Variants in STAC observed in about 807,000 individuals in gnomAD.
STAC encodes SH3 and cysteine-rich domain-containing protein.
A neutral mutation model predicts 48.8 loss-of-function variants in STAC; 43 were observed. That is an observed-to-expected ratio of 0.88 (90% confidence interval 0.69 to 1.14). STAC has a LOEUF of 1.14. Among genes scored for constraint, STAC ranks in the 50% most tolerant of loss-of-function variants. The pLI, the probability that STAC is intolerant of heterozygous loss-of-function variation, is 0.00. For missense variants in STAC, 497 were observed against 504.0 expected, an observed-to-expected ratio of 0.99 and a Z score of 0.13; for synonymous variants, 193 against 179.5, an observed-to-expected ratio of 1.07 and a Z score of -0.60.
intron 10 of STAC, among the ~76,000 whole-genome samples, chr3:36,543,466 T>C (rs955702776): frequency 6.6e-6 from 1 of 152,174 alleles, no homozygotes; most frequent in African/African-American, 2.4e-5. Context: ...ACAGGAAGGT[T>C]GAAAATAAGC....
At chr3:36,471,538 CT>C (rs1170507792) in intron 2 of STAC, among the ~76,000 whole-genome samples, 2 of 152,192 alleles carry the variant, frequency 1.3e-5, no homozygotes, top group African/African-American at 4.8e-5. Flanking sequence ...TCCCTTCCGC[CT>C]ATGAGCCTGT....
chr3:36,417,554 TATTTGACCAC>T (rs201444914), intron 1 of STAC, among the ~76,000 whole-genome samples: 3,533 of 152,342 alleles, frequency 0.023, 60 homozygotes, highest in East Asian at 0.026. Context: ...GAATAAACCC[TATTTGACCAC>T]AGAATATAAT....
At chr3:36,505,641 A>G (rs11711733) in intron 7 of STAC, 105 bp from the exon 8 acceptor site, 101,976 of 735,552 alleles carry the variant, frequency 0.14, 7,925 homozygotes, top group African/African-American at 0.2. Flanking sequence ...CGATCCATAC[A>G]CTGAAATTAC....
intron 5 of STAC, among the ~76,000 whole-genome samples, chr3:36,487,734 A>G (rs1334656778): frequency 1.3e-5 from 2 of 152,236 alleles, no homozygotes; most frequent in East Asian, 3.8e-4. Flanking sequence ...GGATATTATA[A>G]TGACTGTGTC....
intron 1 of STAC, among the ~76,000 whole-genome samples, chr3:36,385,996 A>T (rs879420571): frequency 1.3e-5 from 2 of 152,042 alleles, no homozygotes; most frequent in African/African-American, 2.4e-5. Flanking sequence ...AAGCTCTTCT[A>T]TTGGGTATAT....
At chr3:36,494,594 T>C (rs1224807456) in intron 6 of STAC, among the ~76,000 whole-genome samples, 2 of 152,218 alleles carry the variant, frequency 1.3e-5, no homozygotes, top group African/African-American at 4.8e-5. Context: ...CACCATGTGC[T>C]CAGCTGCCCC....
intron 8 of STAC, among the ~76,000 whole-genome samples, chr3:36,507,213 G>A (rs989002032): frequency 2.6e-5 from 4 of 152,158 alleles, no homozygotes; most frequent in Non-Finnish European, 5.9e-5. Flanking sequence ...TTTATGTGAT[G>A]GATTATGTTT....
At chr3:36,466,793 T>A (rs796859768) in intron 2 of STAC, among the ~76,000 whole-genome samples, 2 of 152,118 alleles carry the variant, frequency 1.3e-5, no homozygotes, top group South Asian at 2.1e-4. Flanking sequence ...CATCAGCAAA[T>A]AGCGACAGTT....
intron 1 of STAC, among the ~76,000 whole-genome samples, chr3:36,418,717 C>G (rs766617566): frequency 9.9e-5 from 15 of 151,842 alleles, no homozygotes; most frequent in South Asian, 2.1e-4. Context: ...TATTTTACTA[C>G]TGATTCATTT....
Position 36,528,850 on chromosome 3 carries a change from G to A in STAC, c.975G>A (p.Gly325=). 1 of 1,611,456 alleles carries A rather than the reference G, an allele frequency of 6.2e-7. No individual in the cohort carries two copies. Residue 325 remains glycine (G), a splice_region_variant and synonymous_variant, in exon 10 of 11, where the codon GGG becomes GGA. Transcript: ENST00000273183. Reference sequence around the variant, plus strand: ...GCATGCCTCCTTTTTCCTTTCAGGGGAAAATTCAAGACAGAATTGGCTTCT... The same window carrying A: ...GCATGCCTCCTTTTTCCTTTCAGGGAAAAATTCAAGACAGAATTGGCTTCT... ...LEDSNEDWWK[G]KIQDRIGFFP...
chr3:36,506,484 T>C (rs1287905038), intron 8 of STAC, among the ~76,000 whole-genome samples: 2 of 152,294 alleles, frequency 1.3e-5, no homozygotes, highest in South Asian at 2.1e-4. Context: ...GGTAGCTTGA[T>C]GGGGATAGCA....
chr3:36,486,040 C>T, intron 4 of STAC, 94 bp from the exon 5 acceptor site: 1 of 910,622 alleles, frequency 1.1e-6, no homozygotes, highest in South Asian at 1.5e-5. Flanking sequence ...ACAGAGCCTG[C>T]TTCTCAGGCG....
intron 1 of STAC, among the ~76,000 whole-genome samples, chr3:36,393,551 C>T (rs1203366117): frequency 6.6e-6 from 1 of 151,830 alleles, no homozygotes; most frequent in African/African-American, 2.4e-5. Context: ...TATGTTGAAA[C>T]TCTAATCTCC....
At chr3:36,502,309 G>A (rs988142588) in intron 6 of STAC, among the ~76,000 whole-genome samples, 1 of 152,154 alleles carries the variant, frequency 6.6e-6, no homozygotes, top group East Asian at 1.9e-4. Context: ...AAAGGTGTAT[G>A]ATATGTTTTC....
chr3:36,396,627 T>A (rs55700993), intron 1 of STAC, among the ~76,000 whole-genome samples: 3,548 of 152,280 alleles, frequency 0.023, 61 homozygotes, highest in East Asian at 0.026. Context: ...TTTTTCCTGT[T>A]GATAATTTTG....
chr3:36,411,742 A>C (rs1418044430), intron 1 of STAC, among the ~76,000 whole-genome samples: 1 of 152,188 alleles, frequency 6.6e-6, no homozygotes. Flanking sequence ...AAGGCAGCAC[A>C]TATGTCCTGT....
intron 8 of STAC, among the ~76,000 whole-genome samples, chr3:36,511,878 G>A (rs1043440531): frequency 6.6e-6 from 1 of 152,134 alleles, no homozygotes; most frequent in Admixed American, 6.5e-5. Flanking sequence ...TGTTTCCCAG[G>A]CTCCATATGC....
intron 2 of STAC, among the ~76,000 whole-genome samples, chr3:36,481,707 C>T (rs1268735840): frequency 6.6e-6 from 1 of 152,196 alleles, no homozygotes; most frequent in African/African-American, 2.4e-5. Context: ...TTGGACTCAC[C>T]AACCCTTTTC....
chr3:36,545,588 T>G (rs1699426578), intron 10 of STAC, among the ~76,000 whole-genome samples: 1 of 152,238 alleles, frequency 6.6e-6, no homozygotes, highest in African/African-American at 2.4e-5. Context: ...TCTATGCCCT[T>G]CAGTGGCCAA....
Sources: allele counts gnomAD v4.1 joint callset (sites outside exome capture counted in the v4.1 genomes callset), GRCh38; gene constraint gnomAD v4.1.1; transcripts MANE v1.5; gene names NCBI Gene and HGNC (gene_info 2026-07-23, HGNC 2026-07-21).